Variants in CEP85L observed in about 807,000 individuals in gnomAD.
CEP85L encodes centrosomal protein of 85 kDa-like.
CEP85L carries 60 observed loss-of-function variants against 100.3 expected under a neutral mutation model. The ratio of observed to expected loss-of-function variants is 0.60; its 90% CI spans 0.49 to 0.74. CEP85L has a LOEUF of 0.74. Ranked by LOEUF, CEP85L falls within the 30% of genes least tolerant of loss-of-function variation. The pLI is 0.00. For missense variants in CEP85L, 973 were observed against 936.2 expected (o/e 1.04, Z -0.51); for synonymous variants, 319 against 322.7 (o/e 0.99, Z 0.12).
intron 4 of CEP85L, among the ~76,000 whole-genome samples, chr6:118,518,589 TTTTTTATCAC>T (rs1183531470): frequency 1.3e-5 from 2 of 152,218 alleles, no homozygotes; most frequent in Non-Finnish European, 2.9e-5. Context: ...CCCTTTATCA[TTTTTTATCAC>T]ATCTATTTGA....
chr6:118,625,101 TCACC>T (rs2115293047), intron 2 of CEP85L, among the ~76,000 whole-genome samples: 1 of 152,216 alleles, frequency 6.6e-6, no homozygotes, highest in Non-Finnish European at 1.5e-5. Flanking sequence ...GGCTCCCCAG[TCACC>T]AATCTGCCAG....
chr6:118,491,489 A>G, intron 6 of CEP85L, 197 bp downstream of exon 6: 1 of 1,340,378 alleles, frequency 7.5e-7, no homozygotes, highest in Non-Finnish European at 9.6e-7. Flanking sequence ...GATATACAAG[A>G]GCATTTCTAT....
rs140014899 is a variant in CEP85L at position 118,544,908 on chromosome 6, G to A, written c.1020+20621C>T. On this transcript the variant is annotated intron_variant, in intron 3 of 12. Transcript: ENST00000368491. ...AATCTCAGACCACTAATTCTTATTC[G>A]CAGTTTTGCTTAGATGTTTTTTGAA... 2.0e-4 allele frequency among the ~76,000 whole-genome samples: 30 copies of A among 152,006 alleles called. No homozygotes were observed. In the East Asian group the frequency reaches 3.9e-3, roughly 20 times the overall value.
intron 1 of CEP85L, among the ~76,000 whole-genome samples, chr6:118,682,355 C>T (rs1307333147): frequency 1.3e-5 from 2 of 152,078 alleles, no homozygotes; most frequent in Non-Finnish European, 1.5e-5. Flanking sequence ...TAAGGTCTTA[C>T]ATTTTGTAGT....
chr6:118,509,668 C>T (rs1228074087), intron 5 of CEP85L, among the ~76,000 whole-genome samples: 2 of 151,918 alleles, frequency 1.3e-5, no homozygotes, highest in African/African-American at 4.8e-5. Context: ...AACTTAAAAT[C>T]TAGGAATAAA....
chr6:118,665,562 T>A (rs1172339086), intron 1 of CEP85L, among the ~76,000 whole-genome samples: 1 of 151,976 alleles, frequency 6.6e-6, no homozygotes, highest in Non-Finnish European at 1.5e-5. Context: ...TTTTGCCACG[T>A]TGCCCACGCT....
chr6:118,573,737 A>G (rs1312278200), intron 2 of CEP85L, among the ~76,000 whole-genome samples: 2 of 152,162 alleles, frequency 1.3e-5, no homozygotes, highest in East Asian at 1.9e-4. Context: ...TATAATTTCT[A>G]TATTAAAAAC....
At chr6:118,556,349 G>A (rs572621091) in intron 3 of CEP85L, among the ~76,000 whole-genome samples, 1 of 152,272 alleles carries the variant, frequency 6.6e-6, no homozygotes, top group East Asian at 1.9e-4. Flanking sequence ...TAGAAGTTGA[G>A]TGTTTGGAAC....
At chr6:118,651,784 C>T (rs1775588701), upstream of CEP85L, 1 of 986,100 alleles carries the variant, frequency 1.0e-6, no homozygotes, top group Non-Finnish European at 1.2e-6. Flanking sequence ...GCCCTCCCGC[C>T]GCATCCCTCT....
intron 1 of CEP85L, among the ~76,000 whole-genome samples, chr6:118,645,568 A>G (rs1775124223): frequency 6.6e-6 from 1 of 152,204 alleles, no homozygotes; most frequent in Non-Finnish European, 1.5e-5. Context: ...TGAGCCTGAG[A>G]GGCTGAAGTG....
chr6:118,479,008 T>C (rs1017825165), intron 10 of CEP85L, among the ~76,000 whole-genome samples: 1 of 152,178 alleles, frequency 6.6e-6, no homozygotes, highest in African/African-American at 2.4e-5. Context: ...TTGGAAAACG[T>C]GCCCAAGTGA....
Position 118,520,884 on chromosome 6 carries a change from T to C in CEP85L, c.1139+2918A>G, listed in dbSNP as rs561314304. ...GGCAAATGTTTTTCTGAATTGTTCC[T>C]GAAGTTAATCTATACACTTTTTCTC... On this transcript the variant is annotated intron_variant, in intron 4 of 12. Coordinates refer to ENST00000368491, the MANE Select transcript of CEP85L (RefSeq NM_001042475.3). 5.9e-5 allele frequency among the ~76,000 whole-genome samples: 9 copies of C among 152,358 alleles called. No individual in the cohort carries two copies. In the South Asian group the frequency reaches 1.9e-3, roughly 32 times the overall value.
At position 118,483,282 on chromosome 6, in the gene CEP85L, T is replaced by C. The variant is rs568473707; in HGVS notation, c.1590+424A>G. Among the ~76,000 whole-genome samples, 161 of 146,896 alleles carry C rather than the reference T, an allele frequency of 1.1e-3. 1 individual carries two copies. Among genetic ancestry groups the C allele is most frequent in the Non-Finnish European group, 2.1e-3 (137 of 65,624 alleles). On this transcript the variant is annotated intron_variant, in intron 7 of 12. Transcript: ENST00000368491. Reference sequence around the variant, plus strand: ...AAGTCAGAGGAGTTAATTGAAGTCATAGGTCAAGGTATAAGAAAAATATAT... The same window carrying C: ...AAGTCAGAGGAGTTAATTGAAGTCACAGGTCAAGGTATAAGAAAAATATAT...
In CEP85L at chr6:118,645,017, G is replaced by A. The variant is rs541331835; in HGVS notation, c.73+6180C>T. ...GAGTGAAAGAATGAAGTCACTCCCC[G>A]GCATCTTCTGACATGCAGAATAGAA... On this transcript the variant is annotated intron_variant, in intron 1 of 12. Transcript: ENST00000368491. Among the ~76,000 whole-genome samples the A allele has an allele frequency of 4.6e-5, 7 of 152,252 alleles. 1 individual carries two copies. In the South Asian group the frequency reaches 1.0e-3, roughly 23 times the overall value.
intron 7 of CEP85L, 120 bp downstream of exon 7, chr6:118,483,586 G>C: frequency 1.2e-6 from 1 of 841,200 alleles, no homozygotes; most frequent in Non-Finnish European, 1.8e-6. Flanking sequence ...TTTCTTATTA[G>C]AATTAAGTCC....
At chr6:118,476,828 G>A (rs939163912) in intron 10 of CEP85L, among the ~76,000 whole-genome samples, 3 of 152,062 alleles carry the variant, frequency 2.0e-5, no homozygotes, top group Non-Finnish European at 4.4e-5. Context: ...AATTCAGAAA[G>A]GCCATTTAAA....
chr6:118,609,398 A>C (rs956762044), intron 2 of CEP85L, among the ~76,000 whole-genome samples: 1 of 152,226 alleles, frequency 6.6e-6, no homozygotes, highest in African/African-American at 2.4e-5. Context: ...GCTCTTGTAA[A>C]TGTGTATTTA....
At chr6:118,520,825 T>A (rs1160504270) in intron 4 of CEP85L, among the ~76,000 whole-genome samples, 1 of 152,168 alleles carries the variant, frequency 6.6e-6, no homozygotes, top group East Asian at 1.9e-4. Flanking sequence ...ATGCAAAAGG[T>A]CAAGCACTAC....
intron 6 of CEP85L, chr6:118,491,293 T>C (rs550498582): frequency 3.8e-5 from 8 of 209,288 alleles, no homozygotes; most frequent in Non-Finnish European, 7.0e-5. Context: ...AGCTTCTTAT[T>C]CTGAATCAGG....
Sources: allele counts gnomAD v4.1 joint callset (sites outside exome capture counted in the v4.1 genomes callset), GRCh38; gene constraint gnomAD v4.1.1; transcripts MANE v1.5; gene names NCBI Gene and HGNC (gene_info 2026-07-23, HGNC 2026-07-21).